SHLD1: variants seen among roughly 807,000 people sequenced by gnomAD.
SHLD1 encodes shieldin complex subunit 1.
Under a neutral mutation model 5.5 loss-of-function variants are expected in SHLD1, and 3 were observed. The ratio of observed to expected loss-of-function variants is 0.54; its 90% CI spans 0.25 to 1.40. The LOEUF is 1.40. SHLD1 is among the 40% of genes most tolerant of loss of function. SHLD1 has a pLI of 0.15. For missense variants in SHLD1, 210 were observed against 244.4 expected, an observed-to-expected ratio of 0.86 and a Z score of 0.94; for synonymous variants, 92 against 94.3, an observed-to-expected ratio of 0.98 and a Z score of 0.14.
intron 2 of SHLD1, among the ~76,000 whole-genome samples, chr20:5,829,075 C>CT (rs201030142): frequency 0.011 from 1,562 of 143,154 alleles, 11 homozygotes; most frequent in Non-Finnish European, 0.019. Context: ...CAGAGTCTCA[C>CT]TATGTTGCCC....
At chr20:5,824,320 TC>T (rs1442595888) in intron 2 of SHLD1, among the ~76,000 whole-genome samples, 8 of 152,218 alleles carry the variant, frequency 5.3e-5, no homozygotes. Flanking sequence ...CTTCTTGCCT[TC>T]CCCATCCAAC....
chr20:5,810,697 C>A (rs1052428860), intron 2 of SHLD1, among the ~76,000 whole-genome samples: 2 of 150,860 alleles, frequency 1.3e-5, no homozygotes, highest in Non-Finnish European at 2.9e-5. Context: ...AGTTTTGAGA[C>A]CAGACTGGCC....
intron 2 of SHLD1, among the ~76,000 whole-genome samples, chr20:5,832,488 A>G (rs2087740587): frequency 6.6e-6 from 1 of 151,642 alleles, no homozygotes; most frequent in East Asian, 1.9e-4. Flanking sequence ...TCTTTTTTAG[A>G]GACAGGATCT....
At chr20:5,802,698 G>A (rs2087311254) in intron 2 of SHLD1, among the ~76,000 whole-genome samples, 1 of 151,662 alleles carries the variant, frequency 6.6e-6, no homozygotes, top group African/African-American at 2.4e-5. Context: ...TCAGGCTGGA[G>A]TGCAGTGGCG....
chr20:5,824,029 C>T (rs868038554), intron 2 of SHLD1, among the ~76,000 whole-genome samples: 2 of 152,348 alleles, frequency 1.3e-5, no homozygotes, highest in Middle Eastern at 6.8e-3. Context: ...AATGTCACTT[C>T]CACCTGCTTA....
chr20:5,836,094 TG>T (rs1305419510), intron 2 of SHLD1, among the ~76,000 whole-genome samples: 26 of 150,592 alleles, frequency 1.7e-4, no homozygotes, highest in African/African-American at 3.2e-4. Context: ...GACAACTGGT[TG>T]TTTTTTTTTT....
intron 2 of SHLD1, among the ~76,000 whole-genome samples, chr20:5,788,594 T>A (rs562419472): frequency 1.8e-4 from 27 of 152,314 alleles, no homozygotes; most frequent in African/African-American, 5.8e-4. Context: ...AGAAAAAGAA[T>A]TTAAACGTAC....
In SHLD1 at chr20:5,863,368, G is replaced by T; in HGVS notation, c.523G>T (p.Gly175Ter). The T allele has an allele frequency of 6.2e-7, 1 of 1,614,202 alleles. No individual in the cohort carries two copies. The highest frequency in any genetic ancestry group is 2.2e-5 in the East Asian group (1 of 44,880). ...RDTHFYPLEE[G>*]STSLDDEKPN... ...CACCCACTTCTACCCACTGGAGGAA[G>T]GAAGTACATCTTTGGATGATGAAAA... The change falls in exon 3 of 3, where the codon GGA becomes TGA. Residue 175 changes from glycine to a stop codon, truncating the protein, a stop_gained. Coordinates refer to ENST00000303142, the MANE Select transcript of SHLD1 (RefSeq NM_152504.4). LOFTEE classifies it low-confidence loss of function (END_TRUNC).
intron 2 of SHLD1, among the ~76,000 whole-genome samples, chr20:5,854,088 C>A (rs2088049775): frequency 6.6e-6 from 1 of 151,934 alleles, no homozygotes; most frequent in Non-Finnish European, 1.5e-5. Flanking sequence ...TCACTGCAAC[C>A]TCCACCTCCC....
intron 1 of SHLD1, 21 bp downstream of exon 1, chr20:5,750,500 G>C (rs372606244): frequency 6.8e-6 from 1 of 146,528 alleles, no homozygotes; most frequent in Admixed American, 6.8e-5. Flanking sequence ...GATGGGATGG[G>C]GGGGGGTTGG....
At chr20:5,779,742 C>G (rs541206820) in intron 2 of SHLD1, among the ~76,000 whole-genome samples, 1 of 152,254 alleles carries the variant, frequency 6.6e-6, no homozygotes, top group African/African-American at 2.4e-5. Flanking sequence ...CTCTGCCCAT[C>G]CTGGTATTTA....
At chr20:5,862,891 CTGA>C in intron 2 of SHLD1, 130 bp from the exon 3 acceptor site, 4 of 765,014 alleles carry the variant, frequency 5.2e-6, no homozygotes, top group Non-Finnish European at 8.2e-6. Flanking sequence ...TTGAAATCAG[CTGA>C]TATTTCCCAT....
chr20:5,795,718 A>G (rs1456339643), intron 2 of SHLD1, among the ~76,000 whole-genome samples: 2 of 151,832 alleles, frequency 1.3e-5, no homozygotes, highest in Non-Finnish European at 2.9e-5. Context: ...GTGGTGGCTC[A>G]TGCCTGTAAT....
intron 2 of SHLD1, among the ~76,000 whole-genome samples, chr20:5,844,799 A>ATATATATATATATATT (rs1460082835): frequency 2.8e-5 from 2 of 71,718 alleles, no homozygotes; most frequent in Non-Finnish European, 6.2e-5. Context: ...ATATATATAT[A>ATATATATATATATATT]TTTTTTTTTT....
chr20:5,857,216 T>G (rs1041163915), intron 2 of SHLD1, among the ~76,000 whole-genome samples: 2 of 152,190 alleles, frequency 1.3e-5, no homozygotes, highest in African/African-American at 4.8e-5. Flanking sequence ...GCTCAGGTGA[T>G]CCACCCGCCT....
chr20:5,799,258 C>A (rs1474174838), intron 2 of SHLD1, among the ~76,000 whole-genome samples: 1 of 151,566 alleles, frequency 6.6e-6, no homozygotes, highest in Admixed American at 6.6e-5. Flanking sequence ...CCTCCCCTCC[C>A]CTCCCCTATT....
intron 2 of SHLD1, among the ~76,000 whole-genome samples, chr20:5,852,182 T>C (rs944075712): frequency 1.3e-5 from 2 of 152,182 alleles, no homozygotes; most frequent in Non-Finnish European, 2.9e-5. Flanking sequence ...TATAAATTAC[T>C]CAATCTCAGG....
intron 2 of SHLD1, among the ~76,000 whole-genome samples, chr20:5,861,280 A>C (rs1053152524): frequency 6.6e-6 from 1 of 152,268 alleles, no homozygotes; most frequent in African/African-American, 2.4e-5. Flanking sequence ...CACAGAGTCC[A>C]CAGTGTCCCA....
intron 2 of SHLD1, among the ~76,000 whole-genome samples, chr20:5,779,302 A>G (rs1223741023): frequency 6.6e-6 from 1 of 152,110 alleles, no homozygotes; most frequent in Non-Finnish European, 1.5e-5. Context: ...GAAGGAGGTC[A>G]CTGCCCTAAC....
Sources: allele counts gnomAD v4.1 joint callset (sites outside exome capture counted in the v4.1 genomes callset), GRCh38; gene constraint gnomAD v4.1.1; transcripts MANE v1.5; gene names NCBI Gene and HGNC (gene_info 2026-07-23, HGNC 2026-07-21).